The following ALK variants were observed in gnomAD, a reference collection of about 807,000 sequenced individuals.
The protein encoded by ALK is ALK tyrosine kinase receptor.
A neutral mutation model predicts 163.1 loss-of-function variants in ALK; 74 were observed. That is an observed-to-expected ratio of 0.45 (90% CI 0.38 to 0.55). ALK has a LOEUF of 0.55. Among genes scored for constraint, ALK ranks in the 20% least tolerant of loss-of-function variants. The probability of loss-of-function intolerance (pLI) is 0.00; values close to 1 mark genes in which losing one functional copy is unlikely to be tolerated. For synonymous variants in ALK, 960 were observed against 843.2 expected, an observed-to-expected ratio of 1.14 and a Z score of -2.40; for missense variants, 2,063 against 2,105.3, an observed-to-expected ratio of 0.98 and a Z score of 0.39.
chr2:29,850,555 C>T (rs964137822), intron 1 of ALK, among the ~76,000 whole-genome samples: 5 of 152,192 alleles, frequency 3.3e-5, no homozygotes, highest in African/African-American at 1.2e-4. Flanking sequence ...TCATTGGCAA[C>T]TGCAGAAAAA....
At chr2:29,596,720 A>G (rs1675225345) in intron 3 of ALK, among the ~76,000 whole-genome samples, 1 of 152,198 alleles carries the variant, frequency 6.6e-6, no homozygotes, top group Admixed American at 6.5e-5. Flanking sequence ...TTGATAAAAT[A>G]GACTCTACAA....
At chr2:29,564,168 G>A (rs763392051) in intron 3 of ALK, among the ~76,000 whole-genome samples, 14 of 151,476 alleles carry the variant, frequency 9.2e-5, no homozygotes, top group African/African-American at 3.2e-4. Flanking sequence ...GGTGAGTGGT[G>A]CGAGCTTTGG....
At chr2:29,539,049 A>C (rs1573440275) in intron 3 of ALK, among the ~76,000 whole-genome samples, 1 of 151,328 alleles carries the variant, frequency 6.6e-6, no homozygotes, top group Non-Finnish European at 1.5e-5. Context: ...TCTCTTCCAC[A>C]CCCCCCTCCC....
intron 1 of ALK, among the ~76,000 whole-genome samples, chr2:29,882,656 T>C (rs1006041744): frequency 3.3e-5 from 5 of 152,302 alleles, no homozygotes; most frequent in African/African-American, 1.2e-4. Flanking sequence ...ATTGCGCCAC[T>C]GCACTCCAGC....
At chr2:29,232,697 A>T (rs1664250314) in intron 14 of ALK, among the ~76,000 whole-genome samples, 2 of 152,178 alleles carry the variant, frequency 1.3e-5, no homozygotes, top group African/African-American at 4.8e-5. Context: ...AAATATAGAT[A>T]CCAGGAGGTG....
chr2:29,919,389 G>A (rs1263702769), intron 1 of ALK, among the ~76,000 whole-genome samples: 1 of 144,202 alleles, frequency 6.9e-6, no homozygotes, highest in Non-Finnish European at 1.5e-5. Context: ...CCAACAACAT[G>A]TAAGAGAAAG....
intron 1 of ALK, among the ~76,000 whole-genome samples, chr2:29,724,831 C>T (rs974116643): frequency 5.3e-5 from 8 of 152,194 alleles, no homozygotes; most frequent in African/African-American, 1.9e-4. Context: ...ACAGCTCCCA[C>T]TCCACCTCAC....
intron 1 of ALK, 135 bp from the exon 2 acceptor site, chr2:29,717,832 T>C: frequency 3.4e-6 from 4 of 1,170,326 alleles, no homozygotes; most frequent in Non-Finnish European, 5.1e-6. Context: ...GGGAAAAAAT[T>C]GAGCCACCAG....
At chr2:29,270,294 G>A (rs1296464300) in intron 11 of ALK, among the ~76,000 whole-genome samples, 1 of 152,194 alleles carries the variant, frequency 6.6e-6, no homozygotes, top group Non-Finnish European at 1.5e-5. Flanking sequence ...TACACAAGTT[G>A]TCTAACTTAG....
intron 4 of ALK, among the ~76,000 whole-genome samples, chr2:29,528,161 C>T (rs1673012141): frequency 6.6e-6 from 1 of 152,210 alleles, no homozygotes; most frequent in African/African-American, 2.4e-5. Context: ...CTTCCCTCCA[C>T]ACACTGTGTA....
chr2:29,849,172 G>C (rs757825150), intron 1 of ALK, among the ~76,000 whole-genome samples: 1 of 152,168 alleles, frequency 6.6e-6, no homozygotes, highest in Non-Finnish European at 1.5e-5. Context: ...CCTCAGAAAA[G>C]CTGGGCTTCC....
chr2:29,635,806 C>A lies in ALK; in HGVS notation c.952+59044G>T, dbSNP rs78968673. On this transcript the variant is annotated intron_variant, in intron 3 of 28. Coordinates refer to ENST00000389048, the MANE Select transcript of ALK (RefSeq NM_004304.5). ...TTTTTTTTTAATTATACTTTAAGTT[C>A]TAGGGTACATGTGAGGGTTCTATCA... 3.0e-3 allele frequency among the ~76,000 whole-genome samples: 452 copies of A among 150,432 alleles called. 1 individual carries two copies. The highest frequency in any genetic ancestry group is 0.011 in the African/African-American group (437 of 40,950).
intron 1 of ALK, among the ~76,000 whole-genome samples, chr2:29,809,408 C>T (rs1572396573): frequency 6.6e-6 from 1 of 152,144 alleles, no homozygotes; most frequent in East Asian, 1.9e-4. Flanking sequence ...AGGCAGAAAG[C>T]CATTCAAAAA....
chr2:29,884,275 A>G (rs1212376154), intron 1 of ALK, among the ~76,000 whole-genome samples: 1 of 152,188 alleles, frequency 6.6e-6, no homozygotes, highest in East Asian at 1.9e-4. Flanking sequence ...TTAGTGCAAT[A>G]CTGTAAACCT....
At chr2:29,731,539 T>C (rs1040019330) in intron 1 of ALK, among the ~76,000 whole-genome samples, 1 of 152,154 alleles carries the variant, frequency 6.6e-6, no homozygotes, top group African/African-American at 2.4e-5. Context: ...CTGGGCAGCA[T>C]CGGGACAGGA....
rs1667999636 is a variant in ALK, at chr2:29,921,361, G to T, written c.-702C>A. On this transcript the variant is annotated 5_prime_UTR_variant, in exon 1 of 29. Coordinates refer to ENST00000389048, the MANE Select transcript of ALK (RefSeq NM_004304.5). ...CCGGCGCCTCGGCTCCTCAGAGTTC[G>T]CAGGCACTGGAGCGGCCCCGGCGGC... is the stretch of plus-strand genomic sequence containing the variant. 4.3e-6 allele frequency: 1 copy of T among 232,836 alleles called. No homozygotes were observed. Among genetic ancestry groups the T allele is most frequent in the Non-Finnish European group, 8.5e-6 (1 of 117,852 alleles). 14.4% of individuals were successfully genotyped at this position (232,836 alleles called of 1,614,324 possible).
chr2:29,515,490 G>A (rs1672636512), intron 4 of ALK, among the ~76,000 whole-genome samples: 1 of 152,082 alleles, frequency 6.6e-6, no homozygotes, highest in South Asian at 2.1e-4. Context: ...GTGAATGAAG[G>A]CAAAGAGATG....
rs201042802 is a variant in ALK at position 29,228,936 on chromosome 2, G to A, written c.2763C>T (p.Phe921=). ...AGGAGCACCCCCCTCCACCCCCTCC[G>A]AAACCCCCTCTTGTCTCCCACCCCC... ...KKWGWETRGG[F]GGGGGGCSSG... The change falls in exon 16 of 29, where the codon TTC becomes TTT. Residue 921 remains phenylalanine (F), a synonymous_variant. Coordinates refer to ENST00000389048, the MANE Select transcript of ALK (RefSeq NM_004304.5). The A allele has an allele frequency of 1.6e-4, 82 of 499,036 alleles. No homozygotes were observed. The highest frequency in any genetic ancestry group is 5.4e-4 in the South Asian group (23 of 42,908). 30.9% of individuals were successfully genotyped at this position (499,036 alleles called of 1,614,324 possible).
intron 5 of ALK, among the ~76,000 whole-genome samples, chr2:29,371,701 C>T (rs1573291314): frequency 6.6e-6 from 1 of 152,154 alleles, no homozygotes; most frequent in African/African-American, 2.4e-5. Flanking sequence ...ACTTCTCTGC[C>T]TGATTTGGGA....
Sources: allele counts gnomAD v4.1 joint callset (sites outside exome capture counted in the v4.1 genomes callset), GRCh38; gene constraint gnomAD v4.1.1; transcripts MANE v1.5; gene names NCBI Gene and HGNC (gene_info 2026-07-23, HGNC 2026-07-21).